The following SLC9A9 variants were observed in gnomAD, a reference collection of about 807,000 sequenced individuals.
SLC9A9 encodes the protein sodium/hydrogen exchanger 9.
Under a neutral mutation model 77.8 loss-of-function variants are expected in SLC9A9, and 62 were observed. The ratio of observed to expected loss-of-function variants is 0.80; its 90% CI spans 0.65 to 0.98. SLC9A9 has a LOEUF of 0.98. SLC9A9 is among the 50% of genes least tolerant of loss of function. SLC9A9 has a pLI of 0.00. For missense variants in SLC9A9, 775 were observed against 774.9 expected, an observed-to-expected ratio of 1.00 and a Z score of 0.00; for synonymous variants, 320 against 283.5, an observed-to-expected ratio of 1.13 and a Z score of -1.29.
intron 6 of SLC9A9, among the ~76,000 whole-genome samples, chr3:143,592,930 C>T (rs1323943153): frequency 6.6e-6 from 1 of 152,006 alleles, no homozygotes; most frequent in East Asian, 1.9e-4. Context: ...AGAAACAGGC[C>T]TATGCTCCCT....
intron 14 of SLC9A9, among the ~76,000 whole-genome samples, chr3:143,356,892 C>A (rs557872930): frequency 6.6e-6 from 1 of 152,236 alleles, no homozygotes; most frequent in East Asian, 1.9e-4. Context: ...ACAGCAGCAC[C>A]TGTAAGGATA....
At chr3:143,607,589 A>G (rs1462870476) in intron 6 of SLC9A9, among the ~76,000 whole-genome samples, 6 of 152,074 alleles carry the variant, frequency 3.9e-5, no homozygotes, top group African/African-American at 1.4e-4. Context: ...TATGTATTCT[A>G]TGTTAATTAT....
In SLC9A9 at chr3:143,342,610, G is replaced by C. The variant is rs566930857; in HGVS notation, c.1604+20874C>G. Among the ~76,000 whole-genome samples, 9 of 152,218 alleles carry C rather than the reference G, an allele frequency of 5.9e-5. No individual in the cohort carries two copies. In the South Asian group the frequency reaches 1.9e-3, roughly 32 times the overall value. ...GACTCACAAATAAAATAACCTTCAA[G>C]GCCAAACAGCTTCCAATAGCCAGAT... On this transcript the variant is annotated intron_variant, in intron 14 of 15. Coordinates refer to ENST00000316549, the MANE Select transcript of SLC9A9 (RefSeq NM_173653.4).
intron 1 of SLC9A9, among the ~76,000 whole-genome samples, chr3:143,837,193 A>G (rs2009589319): frequency 6.6e-6 from 1 of 152,240 alleles, no homozygotes. Context: ...TCCAGACACC[A>G]TCACACAGAG....
intron 4 of SLC9A9, among the ~76,000 whole-genome samples, chr3:143,735,800 G>C (rs1332424274): frequency 6.6e-6 from 1 of 152,206 alleles, no homozygotes; most frequent in Non-Finnish European, 1.5e-5. Flanking sequence ...GGGCTTTAGA[G>C]TAATAGAGAC....
rs76950671 is a variant in SLC9A9 at position 143,453,120 on chromosome 3, C to T, written c.1469+13917G>A. On this transcript the variant is annotated intron_variant, in intron 12 of 15. Transcript: ENST00000316549. ...TATTTTACTATTAGGTTGAACCATA[C>T]GAAATTGGCAATACTTGACCATTTT... Among the ~76,000 whole-genome samples the T allele has an allele frequency of 5.8e-3, 886 of 152,006 alleles. 16 individuals carry two copies. The highest frequency in any genetic ancestry group is 0.02 in the African/African-American group (845 of 41,508).
At chr3:143,637,258 G>A (rs2038538673) in intron 6 of SLC9A9, among the ~76,000 whole-genome samples, 2 of 115,860 alleles carry the variant, frequency 1.7e-5, no homozygotes, top group Admixed American at 1.7e-4. Context: ...AGATATGAAT[G>A]AAAAATTTAC....
At chr3:143,801,530 T>A (rs747732955) in intron 2 of SLC9A9, among the ~76,000 whole-genome samples, 4 of 152,118 alleles carry the variant, frequency 2.6e-5, no homozygotes, top group African/African-American at 7.2e-5. Context: ...GCCTCCCACA[T>A]TATTCCGGAT....
intron 12 of SLC9A9, among the ~76,000 whole-genome samples, chr3:143,447,644 G>C (rs999313372): frequency 6.6e-6 from 1 of 152,114 alleles, no homozygotes; most frequent in Non-Finnish European, 1.5e-5. Context: ...CTATGCAATG[G>C]ACAAGCTTGT....
intron 11 of SLC9A9, among the ~76,000 whole-genome samples, chr3:143,478,784 CT>C (rs1576524694): frequency 6.6e-6 from 1 of 152,156 alleles, no homozygotes; most frequent in Admixed American, 6.5e-5. Context: ...ACATGGTTTG[CT>C]TGTGTTAATA....
chr3:143,676,514 G>A (rs997420802), intron 5 of SLC9A9, among the ~76,000 whole-genome samples: 9 of 152,078 alleles, frequency 5.9e-5, no homozygotes. Flanking sequence ...TGAGGAGGGC[G>A]GATCATGAGG....
chr3:143,404,178 C>T (rs1438425634), intron 12 of SLC9A9, among the ~76,000 whole-genome samples: 4 of 142,654 alleles, frequency 2.8e-5, no homozygotes, highest in African/African-American at 7.7e-5. Context: ...TTTCTTTTTT[C>T]TTTTTTTTTT....
intron 4 of SLC9A9, among the ~76,000 whole-genome samples, chr3:143,725,598 A>G (rs1934628801): frequency 4.3e-5 from 6 of 141,044 alleles, no homozygotes; most frequent in African/African-American, 1.5e-4. Context: ...GACATGGATG[A>G]AATTGGAAAT....
At chr3:143,521,552 C>A (rs191297812) in intron 9 of SLC9A9, among the ~76,000 whole-genome samples, 2 of 152,174 alleles carry the variant, frequency 1.3e-5, no homozygotes, top group African/African-American at 4.8e-5. Flanking sequence ...GAATTTATTT[C>A]TACCACATGC....
chr3:143,658,520 A>G (rs2038931472), intron 5 of SLC9A9, among the ~76,000 whole-genome samples: 1 of 152,188 alleles, frequency 6.6e-6, no homozygotes. Context: ...TTCTTTTTAC[A>G]TTAACTCCAC....
At chr3:143,717,933 C>T (rs1326882073) in intron 4 of SLC9A9, among the ~76,000 whole-genome samples, 2 of 139,372 alleles carry the variant, frequency 1.4e-5, no homozygotes, top group African/African-American at 5.4e-5. Flanking sequence ...TATACAGAGG[C>T]AAGGTTAGTA....
chr3:143,455,362 C>T (rs1406443536), intron 12 of SLC9A9, among the ~76,000 whole-genome samples: 1 of 152,154 alleles, frequency 6.6e-6, no homozygotes, highest in African/African-American at 2.4e-5. Context: ...AGTTTTCCAA[C>T]TTCATTCTTT....
chr3:143,529,738 C>T (rs2036471269), intron 9 of SLC9A9, among the ~76,000 whole-genome samples: 1 of 152,010 alleles, frequency 6.6e-6, no homozygotes, highest in South Asian at 2.1e-4. Context: ...GTATATAGTA[C>T]TTATTCATAT....
At position 143,638,544 on chromosome 3, in the gene SLC9A9, A is replaced by G. The variant is rs577039941; in HGVS notation, c.755+13711T>C. Among the ~76,000 whole-genome samples, 21 of 152,338 alleles carry G rather than the reference A, an allele frequency of 1.4e-4. No individual in the cohort carries two copies. The East Asian group carries it at 3.5e-3, about 25-fold the overall frequency. ...AAAGAATTTCCTCCTTTTTCCTTCA[A>G]TACTGCCTGCCATTCTGGCAACGGG... On this transcript the variant is annotated intron_variant, in intron 6 of 15. Transcript: ENST00000316549.
Sources: gnomAD v4.1 joint callset for allele counts (sites outside exome capture counted in the v4.1 genomes callset) on GRCh38, gnomAD v4.1.1 for gene constraint, MANE v1.5 for transcripts, NCBI Gene and HGNC (gene_info 2026-07-23, HGNC 2026-07-21) for gene names.